The following SESTD1 variants were observed in gnomAD, a reference collection of about 807,000 sequenced individuals.
SESTD1 encodes the protein SEC14 domain and spectrin repeat-containing protein 1.
A neutral mutation model predicts 101.7 loss-of-function variants in SESTD1; 43 were observed. The ratio of observed to expected loss-of-function variants is 0.42; its 90% CI spans 0.33 to 0.55. The LOEUF is 0.55. SESTD1 is among the 20% of genes least tolerant of loss of function. The pLI, the probability that SESTD1 is intolerant of heterozygous loss-of-function variation, is 0.07. For missense variants in SESTD1, 647 were observed against 815.1 expected (o/e 0.79, Z 2.51); for synonymous variants, 283 against 286.8 (o/e 0.99, Z 0.13).
At position 179,199,336 on chromosome 2, in the gene SESTD1, C is replaced by T. The variant is rs1023111153; in HGVS notation, c.-25-7470G>A. The stretch of plus-strand genomic sequence containing the variant: ...CAATAGCTTACCAACCAAAAAGAGT[C>T]CAGGACCAGATGGATTCACAGCTGA... On this transcript the variant is annotated intron_variant, in intron 1 of 17. Coordinates refer to ENST00000428443, the MANE Select transcript of SESTD1 (RefSeq NM_178123.5). 5.3e-5 allele frequency among the ~76,000 whole-genome samples: 8 copies of T among 152,164 alleles called. No homozygotes were observed. The South Asian group carries it at 8.3e-4, about 16-fold the overall frequency.
chr2:179,221,877 G>A (rs1354873880), intron 1 of SESTD1, among the ~76,000 whole-genome samples: 1 of 151,798 alleles, frequency 6.6e-6, no homozygotes, highest in Non-Finnish European at 1.5e-5. Flanking sequence ...CCATGATTGT[G>A]CTACTGTACT....
At chr2:179,142,435 A>C (rs1013173361) in intron 9 of SESTD1, among the ~76,000 whole-genome samples, 6 of 152,168 alleles carry the variant, frequency 3.9e-5, no homozygotes, top group African/African-American at 1.4e-4. Flanking sequence ...AAAGAAAGAG[A>C]GGAAAAGAGG....
intron 4 of SESTD1, among the ~76,000 whole-genome samples, chr2:179,173,734 C>T: frequency 6.6e-6 from 1 of 152,086 alleles, no homozygotes; most frequent in East Asian, 1.9e-4. Context: ...TTATTCCAAG[C>T]TTTGCAGGCC....
intron 16 of SESTD1, among the ~76,000 whole-genome samples, chr2:179,114,456 A>G (rs1247651013): frequency 6.6e-6 from 1 of 152,248 alleles, no homozygotes; most frequent in Non-Finnish European, 1.5e-5. Flanking sequence ...AGGCTTGGGT[A>G]GAATAAATTC....
rs1340592001 is a variant in SESTD1 at position 179,264,484 on chromosome 2, G to A, written c.-26+15C>T. 2 of 150,734 alleles carry A rather than the reference G, an allele frequency of 1.3e-5. No homozygotes were observed. Among genetic ancestry groups the A allele is most frequent in the Admixed American group, 6.6e-5 (1 of 15,112 alleles). The allele number at this position is 150,734 out of a possible 1,614,324, so 9.3% of individuals were successfully genotyped here. A position where few individuals can be genotyped will look rare whatever the true frequency, so the allele number is the denominator to read the frequency against. ...CGCGCTTCTCCCGCCCGGGCCGAGC[G>A]GCGGCCACACTCACCTGGCTGGCGC... On this transcript the variant is annotated intron_variant, in intron 1 of 17. Transcript: ENST00000428443.
At chr2:179,137,078 T>C (rs1559107628) in intron 9 of SESTD1, among the ~76,000 whole-genome samples, 1 of 152,178 alleles carries the variant, frequency 6.6e-6, no homozygotes, top group Non-Finnish European at 1.5e-5. Context: ...AGGTTATAAC[T>C]TAATTTCAAC....
chr2:179,149,430 T>A, intron 6 of SESTD1, 36 bp from the exon 7 acceptor site: 1 of 1,362,664 alleles, frequency 7.3e-7, no homozygotes, highest in Non-Finnish European at 1.0e-6. Context: ...CTAAGAACAG[T>A]CTTAAAAATT....
In SESTD1 at chr2:179,216,245, C is replaced by CT. The variant is rs2046718316; in HGVS notation, c.-25-24380dup. On this transcript the variant is annotated intron_variant, in intron 1 of 17. Coordinates refer to ENST00000428443, the MANE Select transcript of SESTD1 (RefSeq NM_178123.5). ...TTGTGTATTTAGAAAACCCCACTGTCTCAGCCCAAAATCTCCTTAAGCTGA... is the reference window on the plus strand; with the variant it reads ...TTGTGTATTTAGAAAACCCCACTGTCTTCAGCCCAAAATCTCCTTAAGCTGA... Among the ~76,000 whole-genome samples the CT allele has an allele frequency of 2.2e-5, 3 of 135,278 alleles. 1 individual carries two copies. Among genetic ancestry groups the CT allele is most frequent in the Admixed American group, 7.2e-5 (1 of 13,942 alleles). 88.7% of individuals were successfully genotyped at this position (135,278 alleles called of 152,430 possible).
At chr2:179,257,420 T>C (rs2047414168) in intron 1 of SESTD1, among the ~76,000 whole-genome samples, 1 of 152,236 alleles carries the variant, frequency 6.6e-6, no homozygotes, top group Non-Finnish European at 1.5e-5. Context: ...GATCATTTTT[T>C]AGACATAATT....
rs2044384957 is a variant in SESTD1, at chr2:179,106,490, G to C, written c.*3409C>G. ...ATAATCACATCATTGGTAACAATGGGTTTAGATCAGAGTATGGTTTACTCA... is the reference window on the plus strand; with the variant it reads ...ATAATCACATCATTGGTAACAATGGCTTTAGATCAGAGTATGGTTTACTCA... On this transcript the variant is annotated 3_prime_UTR_variant, in exon 18 of 18. Transcript: ENST00000428443. 1 of 152,110 alleles carries C rather than the reference G, an allele frequency of 6.6e-6. No individual in the cohort carries two copies. The highest frequency in any genetic ancestry group is 1.5e-5 in the Non-Finnish European group (1 of 68,022). The allele number at this position is 152,110 out of a possible 1,614,324, so 9.4% of individuals were successfully genotyped here. A position where few individuals can be genotyped will look rare whatever the true frequency, so the allele number is the denominator to read the frequency against.
chr2:179,254,804 T>C (rs1023277965), intron 1 of SESTD1, among the ~76,000 whole-genome samples: 1 of 152,234 alleles, frequency 6.6e-6, no homozygotes, highest in Admixed American at 6.5e-5. Context: ...TTATTGTGCT[T>C]TGCAGATATT....
At chr2:179,123,579 T>C in intron 12 of SESTD1, 136 bp downstream of exon 12, 3 of 640,260 alleles carry the variant, frequency 4.7e-6, no homozygotes, top group East Asian at 2.8e-5. Flanking sequence ...GGGAATAAAA[T>C]CTTTTTATAC....
At chr2:179,111,996 G>C (rs996627644) in intron 17 of SESTD1, among the ~76,000 whole-genome samples, 1 of 152,158 alleles carries the variant, frequency 6.6e-6, no homozygotes, top group African/African-American at 2.4e-5. Context: ...TGGGATTACA[G>C]GCGTGAGCCA....
intron 1 of SESTD1, among the ~76,000 whole-genome samples, chr2:179,255,425 T>A (rs893416246): frequency 2.0e-5 from 3 of 152,328 alleles, no homozygotes; most frequent in Non-Finnish European, 4.4e-5. Flanking sequence ...ATTGTTAATA[T>A]GGAGAAAGGT....
chr2:179,176,359 G>A, intron 4 of SESTD1, 89 bp downstream of exon 4: 1 of 947,482 alleles, frequency 1.1e-6, no homozygotes, highest in Non-Finnish European at 1.7e-6. Flanking sequence ...GCCAGGCACA[G>A]TCCAATAAAT....
intron 5 of SESTD1, among the ~76,000 whole-genome samples, chr2:179,160,471 T>C (rs2045713973): frequency 6.6e-6 from 1 of 151,468 alleles, no homozygotes; most frequent in Non-Finnish European, 1.5e-5. Flanking sequence ...TATATAATTA[T>C]ATTAGATTAT....
chr2:179,180,003 A>G (rs892147408), intron 3 of SESTD1, among the ~76,000 whole-genome samples: 1 of 152,124 alleles, frequency 6.6e-6, no homozygotes, highest in Non-Finnish European at 1.5e-5. Flanking sequence ...CTGGTAAAAT[A>G]TCTTCTTATT....
At chr2:179,230,727 GC>G (rs1424259481) in intron 1 of SESTD1, among the ~76,000 whole-genome samples, 1 of 151,882 alleles carries the variant, frequency 6.6e-6, no homozygotes, top group Non-Finnish European at 1.5e-5. Context: ...TGAAGTCCCT[GC>G]AGAAGAAAAA....
chr2:179,184,446 C>T (rs1302501169), intron 2 of SESTD1, among the ~76,000 whole-genome samples: 2 of 152,104 alleles, frequency 1.3e-5, no homozygotes, highest in African/African-American at 4.8e-5. Context: ...CGATTACTGC[C>T]ATCCAACCAC....
Sources: allele counts gnomAD v4.1 joint callset (sites outside exome capture counted in the v4.1 genomes callset), GRCh38; gene constraint gnomAD v4.1.1; transcripts MANE v1.5; gene names NCBI Gene and HGNC (gene_info 2026-07-23, HGNC 2026-07-21).